The following PLCE1 variants were observed in gnomAD, a reference collection of about 807,000 sequenced individuals.
PLCE1 encodes phospholipase C epsilon 1.
Under a neutral mutation model 242.8 loss-of-function variants are expected in PLCE1, and 119 were observed. That is an observed-to-expected ratio of 0.49 (90% confidence interval 0.42 to 0.57). The LOEUF (loss-of-function observed/expected upper bound fraction) is 0.57. PLCE1 is among the 20% of genes least tolerant of loss of function. PLCE1 has a pLI of 0.00. For synonymous variants in PLCE1, 945 were observed against 1,017.4 expected, an observed-to-expected ratio of 0.93 and a Z score of 1.35; for missense variants, 2,441 against 2,788.8, an observed-to-expected ratio of 0.88 and a Z score of 2.81.
chr10:94,075,914 A>T (rs964276616), intron 2 of PLCE1, among the ~76,000 whole-genome samples: 1 of 152,236 alleles, frequency 6.6e-6, no homozygotes, highest in African/African-American at 2.4e-5. Flanking sequence ...TTTCCTATGC[A>T]TCAAGTACCA....
intron 2 of PLCE1, among the ~76,000 whole-genome samples, chr10:94,076,016 T>C (rs568827724): frequency 1.1e-4 from 16 of 152,190 alleles, no homozygotes; most frequent in African/African-American, 3.6e-4. Context: ...AATGGCACCT[T>C]GGAGAGGTTA....
intron 23 of PLCE1, among the ~76,000 whole-genome samples, chr10:94,294,269 T>C (rs2052734607): frequency 6.6e-6 from 1 of 152,194 alleles, no homozygotes; most frequent in Non-Finnish European, 1.5e-5. Flanking sequence ...CCAGAAGATA[T>C]GGCTATTTTA....
intron 27 of PLCE1, among the ~76,000 whole-genome samples, chr10:94,312,770 A>G (rs2053426510): frequency 6.6e-6 from 1 of 152,230 alleles, no homozygotes; most frequent in Admixed American, 6.5e-5. Context: ...AAATGAATAT[A>G]TCTTAATACA....
At chr10:94,218,930 T>C (rs939632267) in intron 4 of PLCE1, among the ~76,000 whole-genome samples, 12 of 147,176 alleles carry the variant, frequency 8.2e-5, no homozygotes, top group Non-Finnish European at 1.5e-4. Context: ...AAAATTTTAA[T>C]TATAATTATA....
chr10:93,994,334 G>A (rs1216714389), intron 1 of PLCE1, among the ~76,000 whole-genome samples, 76 bp downstream of exon 1: 1 of 152,234 alleles, frequency 6.6e-6, no homozygotes, highest in Non-Finnish European at 1.5e-5. Context: ...TCCCAAGGCA[G>A]TCGACCCGCC....
chr10:94,132,421 G>T lies in PLCE1; in HGVS notation c.1454G>T (p.Ser485Ile). Residue 485 changes from serine to isoleucine, a missense_variant, in exon 3 of 33, where the codon AGT becomes ATT. Ser to Ile is a moderately radical substitution (Grantham distance 142). Transcript: ENST00000371380. ...TTGGGAGCAAGAAGTGGCCTTCTCAGTACTTTTGGAGGATCCACTGGACGA... is the reference window on the plus strand; with the variant it reads ...TTGGGAGCAAGAAGTGGCCTTCTCATTACTTTTGGAGGATCCACTGGACGA... ...TSLGARSGLL[S>I]TFGGSTGRMM... 3 of 1,614,150 alleles carry T rather than the reference G, an allele frequency of 1.9e-6. No homozygotes were observed. Among genetic ancestry groups the T allele is most frequent in the Non-Finnish European group, 2.5e-6 (3 of 1,180,024 alleles).
chr10:94,018,325 C>A (rs778296959), intron 1 of PLCE1, among the ~76,000 whole-genome samples: 1 of 152,168 alleles, frequency 6.6e-6, no homozygotes, highest in African/African-American at 2.4e-5. Context: ...TGCTATGCTA[C>A]TTTGACCTGC....
At chr10:94,274,179 G>C (rs1042814738) in intron 19 of PLCE1, among the ~76,000 whole-genome samples, 9 of 150,614 alleles carry the variant, frequency 6.0e-5, no homozygotes, top group African/African-American at 2.2e-4. Flanking sequence ...AGAGATCTGG[G>C]CCCAAGCACG....
chr10:94,124,492 G>A (rs946364276), intron 2 of PLCE1, among the ~76,000 whole-genome samples: 5 of 152,054 alleles, frequency 3.3e-5, no homozygotes, highest in Non-Finnish European at 2.9e-5. Context: ...CAGCCTCTTC[G>A]TGATAAAGAT....
intron 4 of PLCE1, among the ~76,000 whole-genome samples, chr10:94,194,162 T>A (rs2048750687): frequency 6.6e-6 from 1 of 152,218 alleles, no homozygotes; most frequent in Non-Finnish European, 1.5e-5. Context: ...CTTTTTGTTA[T>A]CTGTGCCAAT....
At chr10:94,324,285 T>C (rs1056511069) in intron 30 of PLCE1, 64 bp from the exon 31 acceptor site, 21 of 1,306,540 alleles carry the variant, frequency 1.6e-5, no homozygotes, top group Admixed American at 3.4e-5. Flanking sequence ...AAGTTTCATA[T>C]AGAATGAATG....
At chr10:94,304,280 A>C (rs891725915) in intron 24 of PLCE1, among the ~76,000 whole-genome samples, 1 of 152,186 alleles carries the variant, frequency 6.6e-6, no homozygotes, top group African/African-American at 2.4e-5. Flanking sequence ...TTCTCTTATT[A>C]CCTGCTGTAT....
intron 1 of PLCE1, among the ~76,000 whole-genome samples, chr10:94,029,545 T>G (rs1293632082): frequency 1.3e-5 from 2 of 152,154 alleles, no homozygotes; most frequent in Admixed American, 1.3e-4. Context: ...GATGTTGAGC[T>G]AGGACACTGC....
At chr10:94,175,010 A>T (rs1042022906) in intron 4 of PLCE1, among the ~76,000 whole-genome samples, 38 of 152,204 alleles carry the variant, frequency 2.5e-4, no homozygotes, top group African/African-American at 8.9e-4. Context: ...AACTCTCTGT[A>T]CTGTCTTTTG....
chr10:94,046,434 G>A (rs189383317), intron 2 of PLCE1, among the ~76,000 whole-genome samples: 6 of 152,296 alleles, frequency 3.9e-5, no homozygotes, highest in Admixed American at 3.9e-4. Context: ...GGAACCCCAG[G>A]CTCATAAAAC....
In PLCE1 at chr10:94,236,133, C is replaced by T. The variant is rs1426716062; in HGVS notation, c.2420+13C>T. 2.5e-6 allele frequency: 4 copies of T among 1,605,498 alleles called. No individual in the cohort carries two copies. The highest frequency in any genetic ancestry group is 2.2e-5 in the East Asian group (1 of 44,794). On this transcript the variant is annotated intron_variant, in intron 7 of 32. Coordinates refer to ENST00000371380, the MANE Select transcript of PLCE1 (RefSeq NM_016341.4). ...AAAGCCGATGGCAGTAAGTTTTACA[C>T]GTTAAAAGTGAGGAATGCTCATCTC...
intron 4 of PLCE1, among the ~76,000 whole-genome samples, chr10:94,210,746 G>A (rs2049305895): frequency 6.6e-6 from 1 of 152,124 alleles, no homozygotes; most frequent in Admixed American, 6.5e-5. Context: ...TCCCTGAAGG[G>A]CTCTTCCTGC....
chr10:94,109,634 A>G (rs2045881370), intron 2 of PLCE1, among the ~76,000 whole-genome samples: 1 of 152,194 alleles, frequency 6.6e-6, no homozygotes, highest in Non-Finnish European at 1.5e-5. Context: ...CCAAAAAATA[A>G]AATTAAATAC....
intron 2 of PLCE1, among the ~76,000 whole-genome samples, chr10:94,060,946 G>A (rs963308974): frequency 1.3e-5 from 2 of 151,952 alleles, no homozygotes; most frequent in East Asian, 1.9e-4. Flanking sequence ...TCATCCACCC[G>A]CCTCGGCCTC....
Sources: allele counts gnomAD v4.1 joint callset (sites outside exome capture counted in the v4.1 genomes callset), GRCh38; gene constraint gnomAD v4.1.1; transcripts MANE v1.5; gene names NCBI Gene and HGNC (gene_info 2026-07-23, HGNC 2026-07-21).